Variants in PTAR1 observed in about 807,000 individuals in gnomAD.
PTAR1 encodes protein prenyltransferase alpha subunit repeat containing 1, also known as protein prenyltransferase alpha subunit repeat-containing protein 1.
A neutral mutation model predicts 45.5 loss-of-function variants in PTAR1; 17 were observed. The ratio of observed to expected loss-of-function variants is 0.37; its 90% CI spans 0.26 to 0.56. The LOEUF is 0.56. PTAR1 is among the 20% of genes least tolerant of loss of function. PTAR1 has a pLI of 0.77. For synonymous variants in PTAR1, 169 were observed against 171.3 expected (o/e 0.99, Z 0.11); for missense variants, 391 against 476.3 (o/e 0.82, Z 1.67).
chr9:69,734,340 C>T (rs1825684686), intron 3 of PTAR1, 86 bp from the exon 4 acceptor site: 1 of 595,378 alleles, frequency 1.7e-6, no homozygotes, highest in Non-Finnish European at 2.7e-6. Flanking sequence ...TTAATATAAT[C>T]TCATTGTGAA....
chr9:69,727,633 A>G (rs909864480), intron 5 of PTAR1, among the ~76,000 whole-genome samples: 38 of 152,088 alleles, frequency 2.5e-4, no homozygotes, highest in African/African-American at 8.9e-4. Context: ...CATTAATGAA[A>G]TATGTACATA....
At chr9:69,750,027 A>G (rs953217292) in intron 2 of PTAR1, among the ~76,000 whole-genome samples, 17 of 152,108 alleles carry the variant, frequency 1.1e-4, no homozygotes, top group African/African-American at 3.9e-4. Flanking sequence ...CAAAAACAGT[A>G]AAGGACATGG....
chr9:69,740,409 GGTGTGT>G (rs146447813), intron 3 of PTAR1, among the ~76,000 whole-genome samples: 3 of 150,146 alleles, frequency 2.0e-5, no homozygotes, highest in Non-Finnish European at 3.0e-5. Context: ...TATGTATACA[GGTGTGT>G]GTGTGTGTGT....
chr9:69,751,575 G>A (rs1438777203), intron 1 of PTAR1, among the ~76,000 whole-genome samples: 1 of 152,004 alleles, frequency 6.6e-6, no homozygotes, highest in Non-Finnish European at 1.5e-5. Flanking sequence ...AAGGTGGTAA[G>A]GAAGGATTTT....
chr9:69,719,955 C>G (rs988254145), intron 6 of PTAR1, among the ~76,000 whole-genome samples: 22 of 152,162 alleles, frequency 1.4e-4, no homozygotes, highest in African/African-American at 5.3e-4. Context: ...ATTGCTCCAC[C>G]AACCAGCTCT....
chr9:69,719,950 T>A (rs1824914069), intron 6 of PTAR1, among the ~76,000 whole-genome samples: 1 of 152,178 alleles, frequency 6.6e-6, no homozygotes, highest in Non-Finnish European at 1.5e-5. Flanking sequence ...TTCTGATTGC[T>A]CCACCAACCA....
chr9:69,730,315 A>G (rs1379928108), intron 5 of PTAR1, among the ~76,000 whole-genome samples: 1 of 151,894 alleles, frequency 6.6e-6, no homozygotes, highest in South Asian at 2.1e-4. Flanking sequence ...AGTTATCTTT[A>G]CCACCAGATG....
At position 69,717,038 on chromosome 9, in the gene PTAR1, A is replaced by T. The variant is rs1209282873; in HGVS notation, c.*1304T>A. On this transcript the variant is annotated 3_prime_UTR_variant, in exon 8 of 8. Coordinates refer to ENST00000340434, the MANE Select transcript of PTAR1 (RefSeq NM_001099666.2). ...CCCATTCCCCACCCTCATCCCACCT[A>T]CCTGAAAAACTCAGCCCTTGTTATT... 1 of 152,110 alleles carries T rather than the reference A, an allele frequency of 6.6e-6. No individual in the cohort carries two copies. Among genetic ancestry groups the T allele is most frequent in the Non-Finnish European group, 1.5e-5 (1 of 68,012 alleles). The allele number at this position is 152,110 out of a possible 1,614,324, so 9.4% of individuals were successfully genotyped here.
chr9:69,749,828 T>G (rs144845751), intron 2 of PTAR1, among the ~76,000 whole-genome samples: 1 of 152,054 alleles, frequency 6.6e-6, no homozygotes, highest in Non-Finnish European at 1.5e-5. Context: ...AAAGGGACCA[T>G]GTATTTATTC....
chr9:69,735,948 A>G (rs541136006), intron 3 of PTAR1, among the ~76,000 whole-genome samples: 133 of 148,744 alleles, frequency 8.9e-4, no homozygotes, highest in African/African-American at 2.9e-3. Context: ...ATATATATAT[A>G]ATATATATAT....
Position 69,711,354 on chromosome 9 carries a change from T to G in PTAR1, c.*6988A>C, listed in dbSNP as rs531911728. 6.6e-6 allele frequency: 1 copy of G among 152,338 alleles called. No homozygotes were observed. The highest frequency in any genetic ancestry group is 2.1e-4 in the South Asian group (1 of 4,828). 9.4% of individuals were successfully genotyped at this position (152,338 alleles called of 1,614,324 possible). On this transcript the variant is annotated 3_prime_UTR_variant, in exon 8 of 8. Coordinates refer to ENST00000340434, the MANE Select transcript of PTAR1 (RefSeq NM_001099666.2). ...TCACAGTTCAGGTAGGAATGTTTAT[T>G]TGTGTTTTATAAAACTGTTTAATCT...
chr9:69,744,901 C>G (rs893373201), intron 2 of PTAR1, among the ~76,000 whole-genome samples: 12 of 152,178 alleles, frequency 7.9e-5, no homozygotes, highest in African/African-American at 2.9e-4. Flanking sequence ...TGTCTGACCA[C>G]AGCACAGAGG....
chr9:69,745,930 C>G (rs756525973), intron 2 of PTAR1, among the ~76,000 whole-genome samples: 6 of 152,226 alleles, frequency 3.9e-5, no homozygotes, highest in Non-Finnish European at 8.8e-5. Flanking sequence ...AAAAGATCCT[C>G]CTAAGCTGGC....
At chr9:69,718,925 T>C (rs1053582211) in intron 6 of PTAR1, among the ~76,000 whole-genome samples, 2 of 152,060 alleles carry the variant, frequency 1.3e-5, no homozygotes, top group African/African-American at 4.8e-5. Flanking sequence ...AGTCCTAAGG[T>C]TTTTCATAAG....
chr9:69,718,701 A>G lies in PTAR1; in HGVS notation c.948-17T>C. 1 of 1,515,562 alleles carries G rather than the reference A, an allele frequency of 6.6e-7. No individual in the cohort carries two copies. The allele number at this position is 1,515,562 out of a possible 1,614,324, so 93.9% of individuals were successfully genotyped here. On this transcript the variant is annotated splice_polypyrimidine_tract_variant and intron_variant, in intron 6 of 7. Coordinates refer to ENST00000340434, the MANE Select transcript of PTAR1 (RefSeq NM_001099666.2). Reference sequence around the variant, plus strand: ...ATATGCCGCCTGCGATAGAGAGGGGAAGGAAGAGAATAAAGAAAATCACAT... The same window carrying G: ...ATATGCCGCCTGCGATAGAGAGGGGGAGGAAGAGAATAAAGAAAATCACAT...
Position 69,717,170 on chromosome 9 carries a change from T to G in PTAR1, c.*1172A>C, listed in dbSNP as rs1464441629. On this transcript the variant is annotated 3_prime_UTR_variant, in exon 8 of 8. Coordinates refer to ENST00000340434, the MANE Select transcript of PTAR1 (RefSeq NM_001099666.2). ...CACATACTATTCCTTCCCTTGGCAT[T>G]TGCCAGTAAACTTTAACAGTCACTT... 6.6e-6 allele frequency: 1 copy of G among 152,210 alleles called. No homozygotes were observed. Among genetic ancestry groups the G allele is most frequent in the Non-Finnish European group, 1.5e-5 (1 of 68,030 alleles). The allele number at this position is 152,210 out of a possible 1,614,324, so 9.4% of individuals were successfully genotyped here.
intron 5 of PTAR1, among the ~76,000 whole-genome samples, chr9:69,731,267 T>C (rs1825522798): frequency 6.6e-6 from 1 of 152,114 alleles, no homozygotes; most frequent in Non-Finnish European, 1.5e-5. Flanking sequence ...TACATAACAC[T>C]TCCCCACTTA....
At chr9:69,721,632 A>G (rs1825012248) in intron 6 of PTAR1, among the ~76,000 whole-genome samples, 1 of 152,148 alleles carries the variant, frequency 6.6e-6, no homozygotes, top group Non-Finnish European at 1.5e-5. Flanking sequence ...GTCAAACTTC[A>G]TTGCAATCTT....
intron 6 of PTAR1, among the ~76,000 whole-genome samples, chr9:69,721,814 CA>C (rs1280207026): frequency 4.0e-5 from 6 of 151,822 alleles, no homozygotes; most frequent in Admixed American, 2.0e-4. Flanking sequence ...AAGATATGCA[CA>C]TTTTTTTTTT....
Sources: allele counts gnomAD v4.1 joint callset (sites outside exome capture counted in the v4.1 genomes callset), GRCh38; gene constraint gnomAD v4.1.1; transcripts MANE v1.5; gene names NCBI Gene and HGNC (gene_info 2026-07-23, HGNC 2026-07-21).